Variants in LINC00305 observed in about 807,000 individuals in gnomAD.
The protein encoded by LINC00305 is long independently transcribed non-coding RNA 305.
intron 1 of LINC00305, among the ~76,000 whole-genome samples, chr18:64,133,035 G>C (rs2051416986): frequency 1.3e-5 from 2 of 152,184 alleles, no homozygotes; most frequent in African/African-American, 4.8e-5. Context: ...TATGGCAGAA[G>C]CTCAGCCAGA....
chr18:64,090,706 G>A (rs936480326), intron 3 of LINC00305, among the ~76,000 whole-genome samples: 1 of 151,952 alleles, frequency 6.6e-6, no homozygotes, highest in Non-Finnish European at 1.5e-5. Context: ...TATGTGTCAT[G>A]GTATTTTTTA....
At chr18:64,082,338 G>A (rs965102043) in intron 3 of LINC00305, among the ~76,000 whole-genome samples, 2 of 151,960 alleles carry the variant, frequency 1.3e-5, no homozygotes, top group African/African-American at 4.8e-5. Context: ...AAAAGCCCCA[G>A]TGATTTCATC....
At chr18:64,129,386 A>G (rs2051399443) in intron 1 of LINC00305, among the ~76,000 whole-genome samples, 1 of 151,992 alleles carries the variant, frequency 6.6e-6, no homozygotes, top group African/African-American at 2.4e-5. Flanking sequence ...GGGTATGGGG[A>G]TAGGTTTTTA....
intron 1 of LINC00305, among the ~76,000 whole-genome samples, chr18:64,138,052 A>G (rs1038602092): frequency 6.6e-6 from 1 of 152,234 alleles, no homozygotes; most frequent in African/African-American, 2.4e-5. Flanking sequence ...CTGGGAAAAC[A>G]AAACAAGATT....
intron 1 of LINC00305, among the ~76,000 whole-genome samples, chr18:64,105,608 C>A (rs2051287095): frequency 6.6e-6 from 1 of 152,032 alleles, no homozygotes; most frequent in Non-Finnish European, 1.5e-5. Context: ...GTGTAGAGTA[C>A]ATGTGTTCAA....
intron 1 of LINC00305, among the ~76,000 whole-genome samples, chr18:64,143,282 C>G (rs933023554): frequency 6.6e-6 from 1 of 152,056 alleles, no homozygotes; most frequent in Non-Finnish European, 1.5e-5. Flanking sequence ...AAGAGGTAAA[C>G]ATAAGATTAA....
At chr18:64,140,931 G>C (rs184795235) in intron 1 of LINC00305, among the ~76,000 whole-genome samples, 15 of 151,946 alleles carry the variant, frequency 9.9e-5, no homozygotes, top group African/African-American at 3.4e-4. Context: ...GGAAGGAGAG[G>C]CATCAGCTGG....
chr18:64,094,998 C>T (rs113476636), intron 3 of LINC00305, among the ~76,000 whole-genome samples: 5 of 152,058 alleles, frequency 3.3e-5, no homozygotes, highest in African/African-American at 1.2e-4. Context: ...GAAAACTGAC[C>T]TCTGAGCCAT....
intron 1 of LINC00305, among the ~76,000 whole-genome samples, chr18:64,113,475 T>G (rs1249905051): frequency 6.6e-6 from 1 of 152,214 alleles, no homozygotes. Context: ...TCCAAGTTCC[T>G]GCCCCCTGCA....
chr18:64,080,261 C>A (rs758373972), exon 4 of LINC00305: 2 of 454,788 alleles, frequency 4.4e-6, no homozygotes, highest in South Asian at 3.1e-5. Context: ...CCTAACTTGT[C>A]ATCTTCTCTG....
chr18:64,121,327 C>T (rs143603906), intron 1 of LINC00305, among the ~76,000 whole-genome samples: 10 of 151,994 alleles, frequency 6.6e-5, no homozygotes, highest in South Asian at 6.2e-4. Context: ...CCAAAACCTC[C>T]GTCATCCACC....
chr18:64,119,022 T>C (rs1411080030), intron 1 of LINC00305, among the ~76,000 whole-genome samples: 1 of 151,998 alleles, frequency 6.6e-6, no homozygotes, highest in African/African-American at 2.4e-5. Context: ...TGTCCAAGTA[T>C]ACAAAAACAG....
At chr18:64,114,389 C>T (rs1173111963) in intron 1 of LINC00305, among the ~76,000 whole-genome samples, 1 of 152,120 alleles carries the variant, frequency 6.6e-6, no homozygotes, top group Non-Finnish European at 1.5e-5. Flanking sequence ...AGCCCTTAAC[C>T]AGAGGATTGC....
chr18:64,121,782 G>A (rs189394811), intron 1 of LINC00305, among the ~76,000 whole-genome samples: 9 of 152,204 alleles, frequency 5.9e-5, no homozygotes, highest in East Asian at 1.9e-4. Context: ...TTTCCATAGA[G>A]GTTGTACTAA....
chr18:64,144,851 A>G (rs551695752), intron 1 of LINC00305, among the ~76,000 whole-genome samples: 5 of 152,294 alleles, frequency 3.3e-5, no homozygotes, highest in Admixed American at 3.3e-4. Context: ...ACGTGTAGTC[A>G]GGGGGTTTTC....
At chr18:64,145,803 G>T (rs1430822008) in intron 1 of LINC00305, among the ~76,000 whole-genome samples, 1 of 152,192 alleles carries the variant, frequency 6.6e-6, no homozygotes, top group East Asian at 1.9e-4. Context: ...TGAAGTCTCT[G>T]GGTTTTTGTT....
intron 1 of LINC00305, among the ~76,000 whole-genome samples, chr18:64,105,079 CAA>C (rs1038718624): frequency 6.6e-6 from 1 of 151,792 alleles, no homozygotes; most frequent in Non-Finnish European, 1.5e-5. Context: ...GACCTCAGAG[CAA>C]AAGAGTCAGA....
intron 1 of LINC00305, among the ~76,000 whole-genome samples, chr18:64,134,671 T>G (rs574446914): frequency 1.3e-5 from 2 of 152,342 alleles, no homozygotes; most frequent in African/African-American, 4.8e-5. Flanking sequence ...GGGTCCAAGT[T>G]ACGTCATTTT....
chr18:64,146,653 C>A (rs1329931912), intron 1 of LINC00305, among the ~76,000 whole-genome samples: 1 of 152,168 alleles, frequency 6.6e-6, no homozygotes, highest in Non-Finnish European at 1.5e-5. Flanking sequence ...TCTTAAGTTT[C>A]TGTTAAAGTA....
Sources: gnomAD v4.1 joint callset for allele counts (sites outside exome capture counted in the v4.1 genomes callset) on GRCh38, gnomAD v4.1.1 for gene constraint, MANE v1.5 for transcripts, NCBI Gene and HGNC (gene_info 2026-07-23, HGNC 2026-07-21) for gene names.